NECAB2: variants seen among roughly 807,000 people sequenced by gnomAD.
The protein encoded by NECAB2 is N-terminal EF-hand calcium-binding protein 2.
A neutral mutation model predicts 51.9 loss-of-function variants in NECAB2; 68 were observed. The ratio of observed to expected loss-of-function variants is 1.31; its 90% CI spans 1.08 to 1.60. The LOEUF is 1.60. Among genes scored for constraint, NECAB2 ranks in the 40% most tolerant of loss-of-function variants. NECAB2 has a pLI of 0.00. For synonymous variants in NECAB2, 329 were observed against 203.5 expected (o/e 1.62, Z -5.25); for missense variants, 854 against 490.3 (o/e 1.74, Z -7.00).
chr16:83,998,977 G>GC (rs1012811884), intron 10 of NECAB2, among the ~76,000 whole-genome samples: 12 of 152,030 alleles, frequency 7.9e-5, no homozygotes, highest in Non-Finnish European at 1.6e-4. Flanking sequence ...GTGGTCCCCC[G>GC]CCCCCCGTTT....
At chr16:83,965,920 C>G, upstream of NECAB2, 3 of 1,612,704 alleles carry the variant, frequency 1.9e-6, no homozygotes, top group Non-Finnish European at 2.5e-6. Flanking sequence ...GGCCGCTGGC[C>G]GGGGACAACT....
upstream of NECAB2, chr16:83,965,964 T>C: frequency 6.2e-7 from 1 of 1,606,784 alleles, no homozygotes; most frequent in African/African-American, 1.3e-5. Flanking sequence ...GCCTTGGCTG[T>C]GGCCAGCTCC....
At chr16:83,985,973 C>T (rs977387950) in intron 5 of NECAB2, among the ~76,000 whole-genome samples, 6 of 152,094 alleles carry the variant, frequency 3.9e-5, no homozygotes, top group Non-Finnish European at 8.8e-5. Flanking sequence ...AAAATTATGT[C>T]TCTTCTGCAG....
upstream of NECAB2, among the ~76,000 whole-genome samples, chr16:83,967,713 TGG>T (rs2084301204): frequency 8.3e-6 from 1 of 119,768 alleles, no homozygotes; most frequent in East Asian, 2.5e-4. Flanking sequence ...GACGGATGGA[TGG>T]ATGGATGGAT....
intron 1 of NECAB2, 39 bp downstream of exon 1, chr16:83,968,888 G>A: frequency 9.3e-7 from 1 of 1,071,076 alleles, no homozygotes; most frequent in Non-Finnish European, 1.1e-6. Flanking sequence ...CGTGGCCTCC[G>A]CTGGGACCCG....
upstream of NECAB2, chr16:83,966,033 A>C (rs540187165): frequency 6.8e-7 from 1 of 1,468,394 alleles, no homozygotes; most frequent in South Asian, 1.3e-5. Context: ...GCTGGCTCCC[A>C]GGCCCTGAGA....
Position 83,998,284 on chromosome 16 carries a change from T to A in NECAB2, c.929T>A (p.Leu310Gln). 1 of 1,613,494 alleles carries A rather than the reference T, an allele frequency of 6.2e-7. No individual in the cohort carries two copies. The highest frequency in any genetic ancestry group is 1.3e-5 in the African/African-American group (1 of 75,000). The change falls in exon 10 of 13, where the codon CTG (leucine) becomes CAG (glutamine). Residue 310 changes from leucine to glutamine, a missense_variant. Coordinates refer to ENST00000305202, the MANE Select transcript of NECAB2 (RefSeq NM_019065.3). ...SEFLDSLRQY[L>Q]RGTTGVRNCF... ...TTTCTGGACTCTCTGCGCCAGTATC[T>A]GCGGGGGACCACTGGCGTGAGGAAC... is the stretch of plus-strand genomic sequence containing the variant.
At chr16:83,974,846 C>T (rs901911338) in intron 2 of NECAB2, among the ~76,000 whole-genome samples, 5 of 150,052 alleles carry the variant, frequency 3.3e-5, no homozygotes, top group African/African-American at 1.3e-4. Flanking sequence ...AGGTGTGGAT[C>T]CAAGAATGAG....
intron 5 of NECAB2, among the ~76,000 whole-genome samples, chr16:83,987,422 G>T (rs111903176): frequency 6.6e-6 from 1 of 152,256 alleles, no homozygotes; most frequent in East Asian, 1.9e-4. Flanking sequence ...TTTTGTTACA[G>T]TACTTCTGTT....
intron 5 of NECAB2, among the ~76,000 whole-genome samples, chr16:83,984,261 C>T (rs187333494): frequency 6.6e-6 from 1 of 151,906 alleles, no homozygotes; most frequent in African/African-American, 2.4e-5. Context: ...TCCCAAAGTG[C>T]TGGGATTACA....
At chr16:83,994,255 C>G in intron 6 of NECAB2, 47 bp from the exon 7 acceptor site, 1 of 1,577,080 alleles carries the variant, frequency 6.3e-7, no homozygotes, top group Non-Finnish European at 8.7e-7. Flanking sequence ...TGGTAAGGGC[C>G]CTGAAGCCAC....
chr16:83,974,974 G>A (rs532037364), intron 2 of NECAB2, among the ~76,000 whole-genome samples: 1 of 149,234 alleles, frequency 6.7e-6, no homozygotes, highest in East Asian at 2.0e-4. Context: ...GAACAGGTGT[G>A]CAGGGAGGTG....
chr16:83,999,136 C>A (rs1007144744), intron 10 of NECAB2, among the ~76,000 whole-genome samples: 1 of 152,192 alleles, frequency 6.6e-6, no homozygotes, highest in Non-Finnish European at 1.5e-5. Flanking sequence ...TTCTTGGGCC[C>A]CCTGTGCACT....
In NECAB2 at chr16:84,002,617, T is replaced by TC. The variant is rs2084861102; in HGVS notation, c.*275dup. ...ACCCCTGCCTCCTGGTCCTGGCCTC[T>TC]CCCCTACCCCTCACATGGCCACGCA... On this transcript the variant is annotated 3_prime_UTR_variant, in exon 13 of 13. Coordinates refer to ENST00000305202, the MANE Select transcript of NECAB2 (RefSeq NM_019065.3). 1 of 567,098 alleles carries TC rather than the reference T, an allele frequency of 1.8e-6. No homozygotes were observed. Among genetic ancestry groups the TC allele is most frequent in the South Asian group, 2.1e-5 (1 of 48,676 alleles). The allele number at this position is 567,098 out of a possible 1,614,324, so 35.1% of individuals were successfully genotyped here.
intron 3 of NECAB2, 115 bp from the exon 4 acceptor site, chr16:83,980,723 GC>G (rs2084476153): frequency 2.1e-5 from 29 of 1,373,762 alleles, no homozygotes; most frequent in Non-Finnish European, 2.3e-5. Flanking sequence ...AGCTTGTGGG[GC>G]CAGCACACAG....
intron 2 of NECAB2, 42 bp downstream of exon 2, chr16:83,972,217 G>C: frequency 6.2e-7 from 1 of 1,613,018 alleles, no homozygotes; most frequent in Non-Finnish European, 8.5e-7. Flanking sequence ...CACTCCTTCT[G>C]TCCTCGTGCT....
At chr16:84,001,509 T>C (rs4997524) in intron 11 of NECAB2, among the ~76,000 whole-genome samples, 33,985 of 151,966 alleles carry the variant, frequency 0.22, 7,953 homozygotes, top group African/African-American at 0.6. Context: ...GCAGCTTCTG[T>C]GTTGTCATGG....
intron 6 of NECAB2, among the ~76,000 whole-genome samples, chr16:83,992,377 T>TCACCCCC (rs1555548088): frequency 7.5e-6 from 1 of 133,046 alleles, no homozygotes; most frequent in African/African-American, 3.2e-5. Flanking sequence ...CGAGCACCCG[T>TCACCCCC]CCCCCCGCCC....
intron 5 of NECAB2, among the ~76,000 whole-genome samples, chr16:83,986,593 G>T (rs1375383329): frequency 6.6e-6 from 1 of 152,032 alleles, no homozygotes; most frequent in Admixed American, 6.6e-5. Context: ...ACTCATTGCA[G>T]CCTCAACCTC....
Sources: gnomAD v4.1 joint callset for allele counts (sites outside exome capture counted in the v4.1 genomes callset) on GRCh38, gnomAD v4.1.1 for gene constraint, MANE v1.5 for transcripts, NCBI Gene and HGNC (gene_info 2026-07-23, HGNC 2026-07-21) for gene names.